The following OLA1 variants were observed in gnomAD, a reference collection of about 807,000 sequenced individuals.
The protein encoded by OLA1 is obg-like ATPase 1.
In OLA1, 14 loss-of-function variants were observed where a neutral mutation model predicts 48.4. The observed-to-expected ratio is 0.29, with a 90% CI of 0.19 to 0.45. OLA1 has a LOEUF of 0.45. Ranked by LOEUF, OLA1 falls within the 20% of genes least tolerant of loss-of-function variation. OLA1 has a pLI of 1.00. For missense variants in OLA1, 325 were observed against 467.1 expected, an observed-to-expected ratio of 0.70 and a Z score of 2.80; for synonymous variants, 127 against 150.4, an observed-to-expected ratio of 0.84 and a Z score of 1.14.
chr2:174,176,449 T>G (rs1252918333), intron 4 of OLA1, among the ~76,000 whole-genome samples: 3 of 152,116 alleles, frequency 2.0e-5, no homozygotes, highest in African/African-American at 7.2e-5. Flanking sequence ...AAACAAAAAT[T>G]GGAAAAAATA....
intron 4 of OLA1, among the ~76,000 whole-genome samples, chr2:174,168,734 A>G (rs1387714422): frequency 2.0e-5 from 3 of 150,744 alleles, no homozygotes; most frequent in African/African-American, 7.3e-5. Flanking sequence ...CAAATTTAGA[A>G]CTGATAAACA....
At chr2:174,158,337 C>G (rs1313097554) in intron 4 of OLA1, among the ~76,000 whole-genome samples, 1 of 151,630 alleles carries the variant, frequency 6.6e-6, no homozygotes. Flanking sequence ...GCAAATGAAA[C>G]TTTTGGACCC....
chr2:174,221,182 T>G (rs966629799), intron 4 of OLA1, among the ~76,000 whole-genome samples: 1 of 152,216 alleles, frequency 6.6e-6, no homozygotes, highest in Non-Finnish European at 1.5e-5. Flanking sequence ...CTACTTTAAT[T>G]GGATTTTCTT....
At chr2:174,167,759 C>A (rs1687199804) in intron 4 of OLA1, among the ~76,000 whole-genome samples, 1 of 151,968 alleles carries the variant, frequency 6.6e-6, no homozygotes. Flanking sequence ...AATATTTTTT[C>A]CTTAAGGTTC....
rs867539675 is a variant in OLA1, at chr2:174,136,598, T to C, written c.549+5227A>G. Among the ~76,000 whole-genome samples the C allele has an allele frequency of 3.3e-5, 5 of 152,284 alleles. No homozygotes were observed. The South Asian group carries it at 6.2e-4, about 19-fold the overall frequency. ...GTCTTGAGCCTCTCAAAGTCATCCA[T>C]GTGGGTTTGGAATCAACTCATCCCA... On this transcript the variant is annotated intron_variant, in intron 5 of 10. Transcript: ENST00000284719.
chr2:174,204,761 T>G (rs1688072013), intron 4 of OLA1, among the ~76,000 whole-genome samples: 2 of 151,880 alleles, frequency 1.3e-5, no homozygotes, highest in African/African-American at 4.8e-5. Context: ...CTTTAAGAAA[T>G]AGATATACAG....
chr2:174,078,807 T>C (rs1021936148), intron 10 of OLA1, among the ~76,000 whole-genome samples, 161 bp downstream of exon 10: 1 of 151,992 alleles, frequency 6.6e-6, no homozygotes, highest in Non-Finnish European at 1.5e-5. Context: ...TAAACATCTA[T>C]AGCTCTTAAG....
rs78012764 is a variant in OLA1 at position 174,126,445 on chromosome 2, G to C, written c.550-2770C>G. Among the ~76,000 whole-genome samples, 7 of 152,142 alleles carry C rather than the reference G, an allele frequency of 4.6e-5. No individual in the cohort carries two copies. The South Asian group carries it at 1.0e-3, about 23-fold the overall frequency. ...AGGGGTACTAAATTGGGCTGTTTTG[G>C]TAACTTTAACAAATCCCTCATTTTC... On this transcript the variant is annotated intron_variant, in intron 5 of 10. Transcript: ENST00000284719.
At chr2:174,157,035 GAAAAC>G (rs1042407002) in intron 4 of OLA1, among the ~76,000 whole-genome samples, 178 of 150,152 alleles carry the variant, frequency 1.2e-3, no homozygotes, top group African/African-American at 4.2e-3. Context: ...AAAAATGAAA[GAAAAC>G]AAAGTAGAAT....
In OLA1 at chr2:174,123,653, G is replaced by T. The variant is rs542927958; in HGVS notation, c.572C>A (p.Ser191Tyr). ...AGGTTTCTTTTGATCTATAACCCAG[G>T]ATTTTACTTTGCACATTATATCCTA... ...PEYDIMCKVKSWVIDQKKPVR... is the reference protein window; with the variant it reads ...PEYDIMCKVKYWVIDQKKPVR... Residue 191 changes from serine to tyrosine, a missense_variant, in exon 6 of 11, where the codon TCC becomes TAC. Coordinates refer to ENST00000284719, the MANE Select transcript of OLA1 (RefSeq NM_013341.5). 2 of 1,592,528 alleles carry T rather than the reference G, an allele frequency of 1.3e-6. No individual in the cohort carries two copies. Among genetic ancestry groups the T allele is most frequent in the African/African-American group, 2.7e-5 (2 of 74,138 alleles).
chr2:174,240,695 A>T (rs1440618583), intron 2 of OLA1, among the ~76,000 whole-genome samples: 1 of 152,202 alleles, frequency 6.6e-6, no homozygotes, highest in Non-Finnish European at 1.5e-5. Flanking sequence ...TAGACATGGG[A>T]ATCTGACTCT....
chr2:174,215,226 G>A (rs73037857), intron 4 of OLA1, among the ~76,000 whole-genome samples: 1,982 of 152,216 alleles, frequency 0.013, 44 homozygotes, highest in African/African-American at 0.044. Context: ...CCATACTCTT[G>A]TGGTGGTTTT....
intron 4 of OLA1, among the ~76,000 whole-genome samples, chr2:174,162,175 T>TA (rs1370895867): frequency 2.0e-5 from 3 of 152,048 alleles, no homozygotes; most frequent in African/African-American, 7.2e-5. Context: ...GGACACAGAG[T>TA]AAATATGTCT....
chr2:174,199,746 T>C (rs1687951607), intron 4 of OLA1, among the ~76,000 whole-genome samples: 1 of 151,906 alleles, frequency 6.6e-6, no homozygotes, highest in Admixed American at 6.6e-5. Context: ...ATGTTCATTG[T>C]TATAGTTGCA....
At chr2:174,163,711 AATAT>A (rs58320338) in intron 4 of OLA1, among the ~76,000 whole-genome samples, 5 of 34,480 alleles carry the variant, frequency 1.5e-4, no homozygotes, top group African/African-American at 4.2e-4. Flanking sequence ...TAAATAAATA[AATAT>A]ATATATATAT....
At chr2:174,088,456 A>G (rs773110767) in intron 7 of OLA1, among the ~76,000 whole-genome samples, 6 of 152,230 alleles carry the variant, frequency 3.9e-5, no homozygotes, top group Non-Finnish European at 5.9e-5. Context: ...TAAAATCAAT[A>G]CCACAAACAA....
At chr2:174,097,730 G>GA (rs55967538) in intron 7 of OLA1, among the ~76,000 whole-genome samples, 2,377 of 126,072 alleles carry the variant, frequency 0.019, 23 homozygotes, top group Non-Finnish European at 0.024. Context: ...CTCAAAAAAA[G>GA]AAAAAAAAAA....
chr2:174,153,823 T>C (rs1378651070), intron 4 of OLA1, among the ~76,000 whole-genome samples: 2 of 152,240 alleles, frequency 1.3e-5, no homozygotes, highest in African/African-American at 4.8e-5. Context: ...TTCCTTATTA[T>C]ATAACAGATA....
At chr2:174,150,257 A>C (rs1367030937) in intron 4 of OLA1, among the ~76,000 whole-genome samples, 1 of 152,098 alleles carries the variant, frequency 6.6e-6, no homozygotes, top group Admixed American at 6.5e-5. Context: ...GGTTTGTTAT[A>C]AAAAGTTCGG....
Sources: allele counts gnomAD v4.1 joint callset (sites outside exome capture counted in the v4.1 genomes callset), GRCh38; gene constraint gnomAD v4.1.1; transcripts MANE v1.5; gene names NCBI Gene and HGNC (gene_info 2026-07-23, HGNC 2026-07-21).